The following IQSEC1 variants were observed in gnomAD, a reference collection of about 807,000 sequenced individuals.
IQSEC1 encodes the protein IQ motif and SEC7 domain-containing protein 1.
Under a neutral mutation model 91.0 loss-of-function variants are expected in IQSEC1, and 31 were observed. That is an observed-to-expected ratio of 0.34 (90% CI 0.26 to 0.46). IQSEC1 has a LOEUF of 0.46. Ranked by LOEUF, IQSEC1 falls within the 20% of genes least tolerant of loss-of-function variation. The probability of loss-of-function intolerance (pLI) is 1.00; values close to 1 mark genes in which losing one functional copy is unlikely to be tolerated. For missense variants in IQSEC1, 1,388 were observed against 1,575.6 expected (o/e 0.88, Z 2.02); for synonymous variants, 699 against 662.6 (o/e 1.05, Z -0.84).
chr3:13,181,585 C>G (rs1176210339), intron 1 of IQSEC1, among the ~76,000 whole-genome samples: 1 of 152,220 alleles, frequency 6.6e-6, no homozygotes, highest in Non-Finnish European at 1.5e-5. Flanking sequence ...ATGTTTCAAG[C>G]CCATCAGTGA....
intron 1 of IQSEC1, among the ~76,000 whole-genome samples, chr3:13,228,780 C>T (rs992334107): frequency 8.5e-5 from 13 of 152,164 alleles, no homozygotes; most frequent in African/African-American, 2.7e-4. Context: ...AGGGCCTTTG[C>T]ACATGCTGTT....
intron 1 of IQSEC1, among the ~76,000 whole-genome samples, chr3:13,024,949 G>A (rs1703556566): frequency 1.3e-5 from 2 of 152,248 alleles, no homozygotes; most frequent in Admixed American, 1.3e-4. Context: ...AGGCTGTGAT[G>A]AGGAATGAGT....
At chr3:13,234,756 T>A (rs539372458) in intron 1 of IQSEC1, among the ~76,000 whole-genome samples, 1 of 152,282 alleles carries the variant, frequency 6.6e-6, no homozygotes, top group East Asian at 1.9e-4. Context: ...CGGGTGTGAC[T>A]AAATGTGGAA....
chr3:12,981,114 G>A (rs141206055), intron 1 of IQSEC1, among the ~76,000 whole-genome samples: 1 of 152,294 alleles, frequency 6.6e-6, no homozygotes, highest in East Asian at 1.9e-4. Context: ...CCACTCCAAG[G>A]GCAGCAGAGG....
chr3:12,912,759 A>G (rs1452247329), intron 9 of IQSEC1, among the ~76,000 whole-genome samples: 1 of 151,890 alleles, frequency 6.6e-6, no homozygotes, highest in Non-Finnish European at 1.5e-5. Context: ...CCAAAGGACA[A>G]GCTCTCCCTT....
At chr3:13,220,609 G>A (rs1176810119) in intron 1 of IQSEC1, among the ~76,000 whole-genome samples, 1 of 152,188 alleles carries the variant, frequency 6.6e-6, no homozygotes, top group Non-Finnish European at 1.5e-5. Flanking sequence ...TCCTGGTCGG[G>A]ACAAGGTCAG....
In IQSEC1 at chr3:12,901,582, G is replaced by GT; in HGVS notation, c.2806-61_2806-60insA. 5.8e-6 allele frequency: 8 copies of GT among 1,374,734 alleles called. No individual in the cohort carries two copies. In the South Asian group the frequency reaches 6.7e-5, roughly 11 times the overall value. 85.2% of individuals were successfully genotyped at this position (1,374,734 alleles called of 1,614,324 possible). On this transcript the variant is annotated intron_variant, in intron 13 of 13. Coordinates refer to ENST00000613206, the MANE Select transcript of IQSEC1 (RefSeq NM_001134382.3). The stretch of plus-strand genomic sequence containing the variant: ...GATCTTCAAGCACTTAGGTCAGAAT[G>GT]ATTTTTTTTTTTCAAATGTAAAAAT...
intron 1 of IQSEC1, 29 bp from the exon 2 acceptor site, chr3:12,941,894 C>T: frequency 6.5e-7 from 1 of 1,544,626 alleles, no homozygotes; most frequent in Non-Finnish European, 8.7e-7. Context: ...TGAGAAGCTT[C>T]TGGTAAGCGG....
chr3:13,206,477 T>G (rs1404068838), intron 1 of IQSEC1, among the ~76,000 whole-genome samples: 1 of 152,114 alleles, frequency 6.6e-6, no homozygotes, highest in Non-Finnish European at 1.5e-5. Context: ...TTAACAAGAC[T>G]GAAAACACCA....
At chr3:13,201,003 C>T (rs112124461) in intron 1 of IQSEC1, among the ~76,000 whole-genome samples, 439 of 152,308 alleles carry the variant, frequency 2.9e-3, no homozygotes, top group African/African-American at 0.01. Context: ...AGTCCCTGAG[C>T]CCTGCCTCAC....
chr3:13,057,694 T>C (rs535907173), intron 1 of IQSEC1, among the ~76,000 whole-genome samples: 41 of 152,172 alleles, frequency 2.7e-4, no homozygotes, highest in Non-Finnish European at 5.3e-4. Flanking sequence ...CCTGCCAGCC[T>C]GGGGGCCCTA....
At chr3:13,123,181 T>C (rs1283157391) in intron 2 of IQSEC1, among the ~76,000 whole-genome samples, 2 of 152,230 alleles carry the variant, frequency 1.3e-5, no homozygotes, top group Non-Finnish European at 2.9e-5. Flanking sequence ...TTGAGATACT[T>C]GGCTCAACAC....
At chr3:13,230,336 C>T (rs749330934) in intron 1 of IQSEC1, among the ~76,000 whole-genome samples, 4 of 152,256 alleles carry the variant, frequency 2.6e-5, no homozygotes, top group Admixed American at 2.0e-4. Context: ...TGACCTTGTT[C>T]GATGACAGGA....
upstream of IQSEC1, among the ~76,000 whole-genome samples, chr3:13,076,666 C>G (rs1172492108): frequency 6.6e-6 from 1 of 152,148 alleles, no homozygotes; most frequent in East Asian, 1.9e-4. Context: ...CTGCTCCGTT[C>G]CAACTGTGGA....
At chr3:13,192,673 G>A (rs983655296) in intron 1 of IQSEC1, among the ~76,000 whole-genome samples, 1 of 152,262 alleles carries the variant, frequency 6.6e-6, no homozygotes, top group Non-Finnish European at 1.5e-5. Flanking sequence ...GCCTGCGGGG[G>A]CAGTGAGAGG....
chr3:13,215,751 C>T (rs1478638767), intron 1 of IQSEC1, among the ~76,000 whole-genome samples: 1 of 152,184 alleles, frequency 6.6e-6, no homozygotes, highest in East Asian at 1.9e-4. Flanking sequence ...CAGCAATTCC[C>T]ACATAAGCTC....
rs1694371824 is a variant in IQSEC1, at chr3:13,207,814, C to G, written c.273-43681G>C. 6.6e-6 allele frequency among the ~76,000 whole-genome samples: 1 copy of G among 152,182 alleles called. No individual in the cohort carries two copies. Among genetic ancestry groups the G allele is most frequent in the Non-Finnish European group, 1.5e-5 (1 of 68,044 alleles). On this transcript the variant is annotated intron_variant, in intron 1 of 15. Coordinates refer to the IQSEC1 transcript ENST00000648114. This position sits in a 1 kb window ranked among gnomAD's most constrained non-coding sequence, Gnocchi z 4.8. Reference sequence around the variant, plus strand: ...CCACCCGGCCACGTGGTCCGGCCAGCCTTGTGTGGTCCCCATACACTGACC... The same window carrying G: ...CCACCCGGCCACGTGGTCCGGCCAGGCTTGTGTGGTCCCCATACACTGACC...
intron 1 of IQSEC1, among the ~76,000 whole-genome samples, chr3:12,961,375 C>T (rs1323479113): frequency 6.6e-6 from 1 of 152,280 alleles, no homozygotes; most frequent in Non-Finnish European, 1.5e-5. Context: ...AGCCCAACTG[C>T]AAGCTGCCTT....
At chr3:13,235,906 A>G (rs1694920236) in intron 1 of IQSEC1, among the ~76,000 whole-genome samples, 1 of 151,968 alleles carries the variant, frequency 6.6e-6, no homozygotes, top group African/African-American at 2.4e-5. Context: ...CGCTGAGACA[A>G]CCCGCTGCGG....
Sources: allele counts gnomAD v4.1 joint callset (sites outside exome capture counted in the v4.1 genomes callset), GRCh38; gene constraint gnomAD v4.1.1; non-coding constraint Gnocchi (gnomAD v3.1); transcripts MANE v1.5; gene names NCBI Gene and HGNC (gene_info 2026-07-23, HGNC 2026-07-21).